The following SDK1 variants were observed in gnomAD, a reference collection of about 807,000 sequenced individuals.
SDK1 encodes sidekick cell adhesion molecule 1, also known as protein sidekick-1.
In SDK1, 157 loss-of-function variants were observed where a neutral mutation model predicts 245.5. That is an observed-to-expected ratio of 0.64 (90% CI 0.56 to 0.73). The LOEUF (loss-of-function observed/expected upper bound fraction) is 0.73, where lower values mean the gene tolerates loss of function less well. Among genes scored for constraint, SDK1 ranks in the 30% least tolerant of loss-of-function variants. The pLI is 0.00. For missense variants in SDK1, 3,583 were observed against 3,002.3 expected, an observed-to-expected ratio of 1.19 and a Z score of -4.52; for synonymous variants, 1,647 against 1,278.5, an observed-to-expected ratio of 1.29 and a Z score of -6.15.
At chr7:3,777,194 A>G (rs1454907814) in intron 4 of SDK1, among the ~76,000 whole-genome samples, 1 of 152,170 alleles carries the variant, frequency 6.6e-6, no homozygotes, top group Non-Finnish European at 1.5e-5. Flanking sequence ...TTGAGACGTA[A>G]AATGTATGCT....
chr7:3,644,989 C>T (rs914214594), intron 4 of SDK1, among the ~76,000 whole-genome samples: 2 of 139,630 alleles, frequency 1.4e-5, no homozygotes, highest in Admixed American at 1.5e-4. Flanking sequence ...TTTTAATTAA[C>T]GTCAGTGGCA....
chr7:3,323,674 C>A lies in SDK1; in HGVS notation c.298+21790C>A, dbSNP rs566668473. On this transcript the variant is annotated intron_variant, in intron 1 of 44. Transcript: ENST00000404826. ...GTATGCTTTGAGTATTTCTGACTTA[C>A]GTTTTTAGTTGGAGAAACTCTGGGT... is the stretch of plus-strand genomic sequence containing the variant. Among the ~76,000 whole-genome samples the A allele has an allele frequency of 1.3e-4, 20 of 152,278 alleles. No homozygotes were observed. The East Asian group carries it at 3.5e-3, about 26-fold the overall frequency.
In SDK1 at chr7:3,644,773, C is replaced by CAAAAAAAAAAA. The variant is rs34276127; in HGVS notation, c.713+2677_713+2687dup. Among the ~76,000 whole-genome samples, 85 of 40,008 alleles carry CAAAAAAAAAAA rather than the reference C, an allele frequency of 2.1e-3. 5 individuals are homozygous for CAAAAAAAAAAA. Among genetic ancestry groups the CAAAAAAAAAAA allele is most frequent in the African/African-American group, 6.2e-3 (64 of 10,254 alleles). 26.2% of individuals were successfully genotyped at this position (40,008 alleles called of 152,430 possible). Reference sequence around the variant, plus strand: ...GGGTGACAGAGCAAGACCCTGTCTCCAAAAAAAAAAAAAAAAAAACAAAAA... The same window carrying CAAAAAAAAAAA: ...GGGTGACAGAGCAAGACCCTGTCTCCAAAAAAAAAAAAAAAAAAAAAAAAAAAAAACAAAAA... On this transcript the variant is annotated intron_variant, in intron 4 of 44. Coordinates refer to ENST00000404826, the MANE Select transcript of SDK1 (RefSeq NM_152744.4).
chr7:3,348,116 G>A (rs1399389564), intron 1 of SDK1, among the ~76,000 whole-genome samples: 1 of 152,078 alleles, frequency 6.6e-6, no homozygotes, highest in African/African-American at 2.4e-5. Context: ...TCTAAAGTGG[G>A]GACGATGTTT....
intron 5 of SDK1, among the ~76,000 whole-genome samples, chr7:3,916,299 A>C (rs1327852118): frequency 6.6e-6 from 1 of 152,212 alleles, no homozygotes; most frequent in Non-Finnish European, 1.5e-5. Flanking sequence ...GTAAATCTAC[A>C]CTTTACATGA....
At chr7:3,774,892 T>G (rs1178568768) in intron 4 of SDK1, among the ~76,000 whole-genome samples, 1 of 152,206 alleles carries the variant, frequency 6.6e-6, no homozygotes, top group Non-Finnish European at 1.5e-5. Flanking sequence ...ACTGTTAAAT[T>G]ATCACACTCA....
intron 4 of SDK1, among the ~76,000 whole-genome samples, chr7:3,772,103 T>C (rs1278888176): frequency 6.6e-6 from 1 of 152,214 alleles, no homozygotes. Flanking sequence ...TTCCTTTTTA[T>C]GGCTGACTGA....
chr7:3,865,331 G>A (rs1780794981), intron 5 of SDK1, among the ~76,000 whole-genome samples: 1 of 152,176 alleles, frequency 6.6e-6, no homozygotes, highest in Non-Finnish European at 1.5e-5. Flanking sequence ...ATGCAGAAGG[G>A]CATTTCATCC....
At chr7:4,160,350 G>T (rs896325438) in intron 31 of SDK1, among the ~76,000 whole-genome samples, 9 of 152,110 alleles carry the variant, frequency 5.9e-5, no homozygotes, top group African/African-American at 2.2e-4. Flanking sequence ...GACCTCCAGG[G>T]CAGCATCCAA....
chr7:3,639,356 A>C (rs1782573637), intron 3 of SDK1, among the ~76,000 whole-genome samples: 1 of 152,160 alleles, frequency 6.6e-6, no homozygotes, highest in African/African-American at 2.4e-5. Flanking sequence ...GGCCCTGGGG[A>C]GGACGAAAAA....
chr7:3,708,989 G>T (rs979672080), intron 4 of SDK1, among the ~76,000 whole-genome samples: 1 of 152,114 alleles, frequency 6.6e-6, no homozygotes, highest in African/African-American at 2.4e-5. Flanking sequence ...GTTAATTGTT[G>T]CCTAGATACT....
intron 4 of SDK1, among the ~76,000 whole-genome samples, chr7:3,706,976 A>T (rs991770218): frequency 1.3e-5 from 2 of 152,180 alleles, no homozygotes; most frequent in African/African-American, 4.8e-5. Context: ...CTAATGGTCT[A>T]TCAACTTTGT....
At chr7:4,060,868 A>G (rs903960568) in intron 19 of SDK1, among the ~76,000 whole-genome samples, 20 of 151,976 alleles carry the variant, frequency 1.3e-4, no homozygotes, top group Non-Finnish European at 2.5e-4. Context: ...ATGGCTAGCC[A>G]GTTTTCCCAG....
At chr7:3,801,236 A>G (rs1470695080) in intron 4 of SDK1, among the ~76,000 whole-genome samples, 1 of 152,198 alleles carries the variant, frequency 6.6e-6, no homozygotes, top group Non-Finnish European at 1.5e-5. Context: ...GTAATATTTC[A>G]TCAATATAAC....
chr7:3,682,834 G>A (rs1196850664), intron 4 of SDK1, among the ~76,000 whole-genome samples: 1 of 151,852 alleles, frequency 6.6e-6, no homozygotes, highest in African/African-American at 2.4e-5. Context: ...CACTTCCCAG[G>A]TTCAAGTGAT....
intron 14 of SDK1, among the ~76,000 whole-genome samples, chr7:4,006,053 C>T (rs962089388): frequency 4.6e-5 from 7 of 152,102 alleles, no homozygotes; most frequent in Non-Finnish European, 7.4e-5. Flanking sequence ...GATGACAAAG[C>T]GGGACCCTGT....
chr7:3,780,932 G>A (rs1780713939), intron 4 of SDK1, among the ~76,000 whole-genome samples: 1 of 152,036 alleles, frequency 6.6e-6, no homozygotes, highest in South Asian at 2.1e-4. Context: ...GCAAGCAGTA[G>A]TTCCACTCAG....
At position 4,130,829 on chromosome 7, in the gene SDK1, G is replaced by C. The variant is rs970911430; in HGVS notation, c.4129+732G>C. Among the ~76,000 whole-genome samples, 3 of 152,096 alleles carry C rather than the reference G, an allele frequency of 2.0e-5. No individual in the cohort carries two copies. The South Asian group carries it at 6.2e-4, about 32-fold the overall frequency. ...AGGGAGAGAAATGCGGATCTCTCCC[G>C]CCACAACACCCACCCTGGGGATCGG... is the stretch of plus-strand genomic sequence containing the variant. On this transcript the variant is annotated intron_variant, in intron 27 of 44. Transcript: ENST00000404826.
chr7:3,597,010 C>T (rs1357308490), intron 1 of SDK1, among the ~76,000 whole-genome samples: 3 of 152,134 alleles, frequency 2.0e-5, no homozygotes, highest in African/African-American at 7.2e-5. Context: ...GTGACTCACA[C>T]CTGTAACCCC....
Sources: gnomAD v4.1 joint callset for allele counts (sites outside exome capture counted in the v4.1 genomes callset) on GRCh38, gnomAD v4.1.1 for gene constraint, MANE v1.5 for transcripts, NCBI Gene and HGNC (gene_info 2026-07-23, HGNC 2026-07-21) for gene names.